The following C3orf33 variants were observed in gnomAD, a reference collection of about 807,000 sequenced individuals.
C3orf33 encodes the protein AP-1 activity suppressor.
C3orf33 carries 23 observed loss-of-function variants against 28.7 expected under a neutral mutation model. The observed-to-expected ratio is 0.80, with a 90% CI of 0.58 to 1.13. The LOEUF (loss-of-function observed/expected upper bound fraction) is 1.13, where lower values mean the gene tolerates loss of function less well. Ranked by LOEUF, C3orf33 falls within the 50% of genes most tolerant of loss-of-function variation. The pLI is 0.00. For synonymous variants in C3orf33, 119 were observed against 120.5 expected, an observed-to-expected ratio of 0.99 and a Z score of 0.08; for missense variants, 327 against 353.4, an observed-to-expected ratio of 0.93 and a Z score of 0.60.
At chr3:155,764,026 A>G (rs1272499516) in intron 4 of C3orf33, 108 bp from the exon 5 acceptor site, 54 of 890,376 alleles carry the variant, frequency 6.1e-5, no homozygotes, top group Non-Finnish European at 7.8e-5. Context: ...AGTCCTCCAA[A>G]GAAAAGGCAA....
intron 2 of C3orf33, among the ~76,000 whole-genome samples, chr3:155,777,519 T>C (rs1432077409): frequency 6.6e-6 from 1 of 152,012 alleles, no homozygotes; most frequent in Non-Finnish European, 1.5e-5. Context: ...TGGCTCACTG[T>C]AGCCTCGACC....
At chr3:155,767,863 T>C (rs1750462876) in intron 3 of C3orf33, among the ~76,000 whole-genome samples, 194 bp from the exon 4 acceptor site, 1 of 152,134 alleles carries the variant, frequency 6.6e-6, no homozygotes, top group Admixed American at 6.6e-5. Context: ...AACACAGTAA[T>C]TTCAAAAACT....
At chr3:155,765,310 A>G (rs1285283648) in intron 4 of C3orf33, among the ~76,000 whole-genome samples, 1 of 152,256 alleles carries the variant, frequency 6.6e-6, no homozygotes, top group African/African-American at 2.4e-5. Context: ...TAAAAGCAAC[A>G]ACCTGTAGAG....
intron 3 of C3orf33, among the ~76,000 whole-genome samples, chr3:155,769,110 C>T (rs1258035772): frequency 6.6e-6 from 1 of 151,956 alleles, no homozygotes; most frequent in Non-Finnish European, 1.5e-5. Context: ...GTTAGGAATT[C>T]GAGACAAGCC....
rs371550942 is a variant in C3orf33, at chr3:155,767,590, C to G, written c.402G>C (p.Glu134Asp). ...ACCATAGTAATTGGGAAGGTTTTAG[C>G]TCTTTTTGTAACCATGCCTTCCCAG... The part of the protein sequence containing the change: ...AETGKAWLQK[E>D]LKPSQLLWFQ... The change falls in exon 4 of 5, where the codon GAG (glutamate) becomes GAC (aspartate). Residue 134 changes from glutamate (E) to aspartate (D), a missense_variant. Coordinates refer to ENST00000340171, the MANE Select transcript of C3orf33 (RefSeq NM_001308229.2). 29 of 1,597,676 alleles carry G rather than the reference C, an allele frequency of 1.8e-5. No individual in the cohort carries two copies. The highest frequency in any genetic ancestry group is 1.7e-6 in the Non-Finnish European group (2 of 1,170,074).
intron 3 of C3orf33, among the ~76,000 whole-genome samples, chr3:155,773,361 A>G (rs1750647399): frequency 6.6e-6 from 1 of 152,214 alleles, no homozygotes; most frequent in Non-Finnish European, 1.5e-5. Context: ...AGCGGTTAAT[A>G]TCTGTTGAGA....
chr3:155,780,985 T>A (rs966737976), intron 2 of C3orf33, among the ~76,000 whole-genome samples: 1 of 150,890 alleles, frequency 6.6e-6, no homozygotes, highest in Non-Finnish European at 1.5e-5. Context: ...AGCCTACCTC[T>A]AGACTTCTTT....
chr3:155,770,676 T>C (rs1750552948), intron 3 of C3orf33, among the ~76,000 whole-genome samples: 1 of 152,216 alleles, frequency 6.6e-6, no homozygotes, highest in Non-Finnish European at 1.5e-5. Context: ...CCTTTATTTT[T>C]TATCTTTTTG....
chr3:155,770,414 A>G (rs1750544543), intron 3 of C3orf33, among the ~76,000 whole-genome samples: 1 of 152,196 alleles, frequency 6.6e-6, no homozygotes, highest in Admixed American at 6.5e-5. Flanking sequence ...AGAGCCAAAA[A>G]AATCCTGTGT....
At chr3:155,790,635 G>C (rs1751286333) in intron 2 of C3orf33, among the ~76,000 whole-genome samples, 1 of 152,164 alleles carries the variant, frequency 6.6e-6, no homozygotes, top group Non-Finnish European at 1.5e-5. Flanking sequence ...TGCGTGGCAT[G>C]GAGGGAGAAT....
chr3:155,767,847 A>G (rs1750461837), intron 3 of C3orf33, among the ~76,000 whole-genome samples, 178 bp from the exon 4 acceptor site: 1 of 152,172 alleles, frequency 6.6e-6, no homozygotes, highest in Non-Finnish European at 1.5e-5. Flanking sequence ...CAATACAAGT[A>G]TATATAACAC....
At chr3:155,803,743 G>C (rs1321883148) in intron 1 of C3orf33, among the ~76,000 whole-genome samples, 1 of 146,944 alleles carries the variant, frequency 6.8e-6, no homozygotes, top group Non-Finnish European at 1.5e-5. Context: ...CTAGCTGGAC[G>C]TGGTAGCACA....
chr3:155,774,590 A>C (rs139155132), intron 3 of C3orf33, among the ~76,000 whole-genome samples: 1 of 151,852 alleles, frequency 6.6e-6, no homozygotes, highest in Non-Finnish European at 1.5e-5. Flanking sequence ...TGTGGGCCAC[A>C]TGCAGCCCAG....
At chr3:155,789,364 A>C (rs1021411849) in intron 2 of C3orf33, among the ~76,000 whole-genome samples, 1 of 149,014 alleles carries the variant, frequency 6.7e-6, no homozygotes, top group Non-Finnish European at 1.5e-5. Flanking sequence ...AAAAAAAGCA[A>C]TTCCATTTAT....
chr3:155,795,621 A>G (rs1457709886), intron 2 of C3orf33, among the ~76,000 whole-genome samples: 1 of 152,182 alleles, frequency 6.6e-6, no homozygotes, highest in Non-Finnish European at 1.5e-5. Flanking sequence ...CACTGAGTCA[A>G]CAAAAAGATT....
chr3:155,787,600 C>T (rs1751165209), intron 2 of C3orf33, among the ~76,000 whole-genome samples: 1 of 151,990 alleles, frequency 6.6e-6, no homozygotes, highest in Non-Finnish European at 1.5e-5. Flanking sequence ...AATCCGTCTG[C>T]CTCAGCCTCC....
chr3:155,763,405 G>GACTAA lies in C3orf33; in HGVS notation c.*107_*111dup, dbSNP rs1750294829. 5 of 649,016 alleles carry GACTAA rather than the reference G, an allele frequency of 7.7e-6. No homozygotes were observed. Among genetic ancestry groups the GACTAA allele is most frequent in the Non-Finnish European group, 1.2e-5 (5 of 428,512 alleles). 40.2% of individuals were successfully genotyped at this position (649,016 alleles called of 1,614,324 possible). A position where few individuals can be genotyped will look rare whatever the true frequency, so the allele number is the denominator to read the frequency against. ...TCTTTTTAATATTTAAATACCATTGGACTAACACTTTGATCATTTGGCAAA... is the reference window on the plus strand; with the variant it reads ...TCTTTTTAATATTTAAATACCATTGGACTAAACTAACACTTTGATCATTTGGCAAA... On this transcript the variant is annotated 3_prime_UTR_variant, in exon 5 of 5. Transcript: ENST00000340171.
At chr3:155,805,510 A>C in intron 1 of C3orf33, 1 of 425,478 alleles carries the variant, frequency 2.4e-6, no homozygotes, top group Non-Finnish European at 4.8e-6. Context: ...ACTTGAGGCC[A>C]GGAGTTGGAG....
chr3:155,776,921 G>A (rs1215540546), intron 2 of C3orf33, among the ~76,000 whole-genome samples: 1 of 151,730 alleles, frequency 6.6e-6, no homozygotes, highest in African/African-American at 2.4e-5. Flanking sequence ...ACAAATCAAT[G>A]GCATTGGAAA....
Sources: gnomAD v4.1 joint callset for allele counts (sites outside exome capture counted in the v4.1 genomes callset) on GRCh38, gnomAD v4.1.1 for gene constraint, MANE v1.5 for transcripts, NCBI Gene and HGNC (gene_info 2026-07-23, HGNC 2026-07-21) for gene names.